Variants in NLGN1 observed in about 807,000 individuals in gnomAD.
NLGN1 encodes neuroligin 1.
A neutral mutation model predicts 65.5 loss-of-function variants in NLGN1; 12 were observed. The observed-to-expected ratio is 0.18, with a 90% CI of 0.12 to 0.30. NLGN1 has a LOEUF of 0.30. Among genes scored for constraint, NLGN1 ranks in the 10% least tolerant of loss-of-function variants. The probability of loss-of-function intolerance (pLI) is 1.00; values close to 1 mark genes in which losing one functional copy is unlikely to be tolerated. For missense variants in NLGN1, 750 were observed against 1,007.1 expected (o/e 0.74, Z 3.46); for synonymous variants, 350 against 359.5 (o/e 0.97, Z 0.30).
At chr3:173,696,751 A>C (rs932909361) in intron 3 of NLGN1, among the ~76,000 whole-genome samples, 1 of 152,166 alleles carries the variant, frequency 6.6e-6, no homozygotes, top group African/African-American at 2.4e-5. Context: ...GTTTCTTATG[A>C]GTTTTAACCA....
chr3:174,073,415 T>C (rs1740312393), intron 4 of NLGN1, among the ~76,000 whole-genome samples: 1 of 152,150 alleles, frequency 6.6e-6, no homozygotes, highest in Admixed American at 6.6e-5. Context: ...ATGTAAATAG[T>C]TTCAGTATGA....
chr3:173,623,366 CAG>C (rs1490889274), intron 3 of NLGN1, among the ~76,000 whole-genome samples: 6 of 147,904 alleles, frequency 4.1e-5, no homozygotes, highest in Non-Finnish European at 6.0e-5. Context: ...AAAAAAAAAA[CAG>C]ATTGTTGGAG....
chr3:173,577,964 C>T (rs1045316512), intron 2 of NLGN1, among the ~76,000 whole-genome samples: 5 of 152,106 alleles, frequency 3.3e-5, no homozygotes, highest in East Asian at 1.9e-4. Context: ...AGGCCGGATG[C>T]GGTCGCTCAC....
intron 4 of NLGN1, among the ~76,000 whole-genome samples, chr3:173,925,622 GGAAGA>G (rs1742856863): frequency 6.6e-6 from 1 of 152,190 alleles, no homozygotes; most frequent in Non-Finnish European, 1.5e-5. Context: ...AGGACAGAAA[GGAAGA>G]GCCTGCTCCC....
In NLGN1 at chr3:174,220,237, A is replaced by G. The variant is rs1337653238; in HGVS notation, c.647-55078A>G. Among the ~76,000 whole-genome samples, 6 of 152,138 alleles carry G rather than the reference A, an allele frequency of 3.9e-5. No homozygotes were observed. The East Asian group carries it at 1.2e-3, about 29-fold the overall frequency. ...AGACAAAGTCAAAACTAAAAACATA[A>G]CAAAGGAAAGTGGCAGAATCACTGG... On this transcript the variant is annotated intron_variant, in intron 4 of 6. Coordinates refer to ENST00000457714, the Ensembl canonical transcript of NLGN1.
In NLGN1 at chr3:174,279,655, GTAC is replaced by G; in HGVS notation, c.1649+6_1649+8del. 6.6e-7 allele frequency: 1 copy of G among 1,519,396 alleles called. No individual in the cohort carries two copies. The highest frequency in any genetic ancestry group is 9.0e-7 in the Non-Finnish European group (1 of 1,114,370). 94.1% of individuals were successfully genotyped at this position (1,519,396 alleles called of 1,614,324 possible). On this transcript the variant is annotated splice_donor_region_variant and intron_variant, in intron 6 of 6. Transcript: ENST00000457714. The surrounding 1 kb of genome is among the most constrained non-coding windows in gnomAD (Gnocchi z 4.7). The stretch of plus-strand genomic sequence containing the variant: ...GACAAATTTTGCTAAAACTGGGTAT[GTAC>G]CTAAGGAATGAAGTTTATTTTTAAT...
At chr3:173,659,791 G>C (rs1290039700) in intron 3 of NLGN1, among the ~76,000 whole-genome samples, 1 of 151,688 alleles carries the variant, frequency 6.6e-6, no homozygotes, top group Non-Finnish European at 1.5e-5. Flanking sequence ...GTTTAGAAGG[G>C]GGTGGTGGTT....
chr3:174,274,259 A>G (rs572465031), intron 4 of NLGN1, among the ~76,000 whole-genome samples: 26 of 151,870 alleles, frequency 1.7e-4, no homozygotes, highest in African/African-American at 5.5e-4. Context: ...ATGCAAAAAT[A>G]TATTAGAGAA....
intron 4 of NLGN1, among the ~76,000 whole-genome samples, chr3:173,888,168 C>T (rs1734703874): frequency 6.6e-6 from 1 of 151,806 alleles, no homozygotes; most frequent in Non-Finnish European, 1.5e-5. Flanking sequence ...AGCTACTAGT[C>T]CAAATATAAT....
chr3:173,677,824 T>C (rs1291529976), intron 3 of NLGN1, among the ~76,000 whole-genome samples: 1 of 152,108 alleles, frequency 6.6e-6, no homozygotes, highest in Non-Finnish European at 1.5e-5. Context: ...ATTAGGTAGG[T>C]ACAGCAATCA....
chr3:173,433,012 T>G (rs1358993438), intron 1 of NLGN1, among the ~76,000 whole-genome samples: 1 of 152,232 alleles, frequency 6.6e-6, no homozygotes, highest in African/African-American at 2.4e-5. Context: ...TTAAAAATAA[T>G]GAGTTTGCAC....
At chr3:174,040,258 G>T (rs73184601) in intron 4 of NLGN1, among the ~76,000 whole-genome samples, 1 of 151,948 alleles carries the variant, frequency 6.6e-6, no homozygotes, top group Non-Finnish European at 1.5e-5. Context: ...TGTGTGTTAC[G>T]TAAGGGGAAT....
intron 2 of NLGN1, among the ~76,000 whole-genome samples, chr3:173,513,138 T>C (rs1374901000): frequency 6.6e-6 from 1 of 152,150 alleles, no homozygotes; most frequent in Admixed American, 6.5e-5. Flanking sequence ...TCTGGTAAAA[T>C]AGTTTCTCCT....
chr3:174,245,725 T>C (rs973938730), intron 4 of NLGN1, among the ~76,000 whole-genome samples: 56 of 152,178 alleles, frequency 3.7e-4, no homozygotes, highest in Admixed American at 1.3e-3. Flanking sequence ...TTTCTAAAAG[T>C]AAATTTTATG....
chr3:174,231,834 C>T (rs1305999922), intron 4 of NLGN1, among the ~76,000 whole-genome samples: 1 of 152,124 alleles, frequency 6.6e-6, no homozygotes, highest in African/African-American at 2.4e-5. Context: ...CTGCAAGGTT[C>T]CTCTCCTAGG....
chr3:173,459,820 A>T (rs1232277945), intron 2 of NLGN1, among the ~76,000 whole-genome samples: 1 of 152,108 alleles, frequency 6.6e-6, no homozygotes, highest in African/African-American at 2.4e-5. Context: ...ATACTATAAT[A>T]GCATATTTTT....
intron 4 of NLGN1, among the ~76,000 whole-genome samples, chr3:173,873,150 G>A (rs534617881): frequency 2.6e-5 from 4 of 151,382 alleles, no homozygotes; most frequent in East Asian, 2.0e-4. Context: ...GTGCAGTGGC[G>A]CTATGTCAGC....
chr3:173,933,933 G>C (rs943722919), intron 4 of NLGN1, among the ~76,000 whole-genome samples: 3 of 151,792 alleles, frequency 2.0e-5, no homozygotes, highest in Non-Finnish European at 4.4e-5. Flanking sequence ...TATATTATAA[G>C]TGAATAAGGA....
At chr3:173,618,824 AG>A (rs1753545727) in intron 3 of NLGN1, among the ~76,000 whole-genome samples, 1 of 152,026 alleles carries the variant, frequency 6.6e-6, no homozygotes, top group Non-Finnish European at 1.5e-5. Flanking sequence ...TAGGAGTGAG[AG>A]ATAAAGCTGG....
Sources: gnomAD v4.1 joint callset for allele counts (sites outside exome capture counted in the v4.1 genomes callset) on GRCh38, gnomAD v4.1.1 for gene constraint, Gnocchi (gnomAD v3.1) non-coding constraint, MANE v1.5 for transcripts, NCBI Gene and HGNC (gene_info 2026-07-23, HGNC 2026-07-21) for gene names.